The following DCLK1 variants were observed in gnomAD, a reference collection of about 807,000 sequenced individuals.
DCLK1 encodes doublecortin like kinase 1, also known as serine/threonine-protein kinase DCLK1.
A neutral mutation model predicts 86.2 loss-of-function variants in DCLK1; 16 were observed. The observed-to-expected ratio is 0.19, with a 90% CI of 0.13 to 0.28. The LOEUF (loss-of-function observed/expected upper bound fraction) is 0.28, where lower values mean the gene tolerates loss of function less well. DCLK1 is among the 10% of genes least tolerant of loss of function. DCLK1 has a pLI of 1.00. For synonymous variants in DCLK1, 369 were observed against 370.5 expected, an observed-to-expected ratio of 1.00 and a Z score of 0.05; for missense variants, 590 against 940.2, an observed-to-expected ratio of 0.63 and a Z score of 4.87.
chr13:36,064,522 G>C (rs2153159928), intron 3 of DCLK1, among the ~76,000 whole-genome samples: 1 of 152,210 alleles, frequency 6.6e-6, no homozygotes, highest in East Asian at 1.9e-4. Context: ...AGCTGGGCGT[G>C]GTGGCGTGTG....
chr13:35,939,142 C>T (rs1246930440), intron 4 of DCLK1, among the ~76,000 whole-genome samples: 1 of 152,056 alleles, frequency 6.6e-6, no homozygotes, highest in Non-Finnish European at 1.5e-5. Context: ...TCTCCAGAAA[C>T]CCTTGTGGCC....
In DCLK1 at chr13:35,839,172, G is replaced by C; in HGVS notation, c.1040C>G (p.Ser347Cys). Residue 347 changes from serine to cysteine, a missense_variant, in exon 7 of 17, where the codon TCT (serine) becomes TGT (cysteine). By Grantham distance (112) the Ser-to-Cys change is moderately radical (BLOSUM62 -1). Transcript: ENST00000360631. ...TGACGTAGAGGAGCCGCCATGCTGA[G>C]AGCTCTGTAGGGGAACAGAAACCGG... ...SPGSLRKQRS[S>C]QHGGSSTSLA... 6.3e-7 allele frequency: 1 copy of C among 1,577,998 alleles called. No individual in the cohort carries two copies. Among genetic ancestry groups the C allele is most frequent in the Non-Finnish European group, 8.6e-7 (1 of 1,161,334 alleles).
At chr13:36,067,382 G>A (rs1174648952) in intron 3 of DCLK1, among the ~76,000 whole-genome samples, 1 of 139,424 alleles carries the variant, frequency 7.2e-6, no homozygotes, top group Non-Finnish European at 1.5e-5. Context: ...CACAGGAAGG[G>A]GAACATCACA....
chr13:35,805,210 G>A (rs2087000276), intron 15 of DCLK1: 1 of 153,544 alleles, frequency 6.5e-6, no homozygotes, highest in Non-Finnish European at 1.5e-5. Context: ...AAATGTAATG[G>A]ATACATCAGA....
chr13:35,882,191 G>T (rs1261237630), intron 4 of DCLK1, among the ~76,000 whole-genome samples: 1 of 151,938 alleles, frequency 6.6e-6, no homozygotes, highest in Non-Finnish European at 1.5e-5. Flanking sequence ...GCATTCCTTA[G>T]CTTGTGGCCA....
intron 8 of DCLK1, among the ~76,000 whole-genome samples, chr13:35,835,724 G>C (rs1018769393): frequency 6.6e-6 from 1 of 152,172 alleles, no homozygotes; most frequent in Non-Finnish European, 1.5e-5. Context: ...CATAAAAAGT[G>C]TGTGAGAAAA....
intron 6 of DCLK1, among the ~76,000 whole-genome samples, chr13:35,844,024 C>G (rs1870004124): frequency 6.6e-6 from 1 of 152,134 alleles, no homozygotes; most frequent in Non-Finnish European, 1.5e-5. Context: ...TATTTCCCAA[C>G]TGGGTATAGA....
intron 3 of DCLK1, among the ~76,000 whole-genome samples, chr13:36,016,669 C>G (rs1436764656): frequency 1.3e-5 from 2 of 152,172 alleles, no homozygotes; most frequent in Non-Finnish European, 2.9e-5. Flanking sequence ...AACACATTTT[C>G]TTTATCCTCG....
intron 3 of DCLK1, among the ~76,000 whole-genome samples, chr13:36,072,513 A>G (rs55949529): frequency 0.14 from 21,843 of 152,222 alleles, 1,880 homozygotes; most frequent in South Asian, 0.37. Flanking sequence ...TCTTCAGGCC[A>G]GACTTCTTTC....
At chr13:36,099,028 C>T (rs540014149) in intron 3 of DCLK1, among the ~76,000 whole-genome samples, 13 of 150,600 alleles carry the variant, frequency 8.6e-5, no homozygotes, top group Non-Finnish European at 1.5e-4. Context: ...AGTGCAATGG[C>T]GCGATCAAAG....
At chr13:36,036,455 G>C (rs1381777404) in intron 3 of DCLK1, among the ~76,000 whole-genome samples, 1 of 152,202 alleles carries the variant, frequency 6.6e-6, no homozygotes, top group East Asian at 1.9e-4. Context: ...TCCTGTGTCA[G>C]TGTGGTATGT....
chr13:35,848,080 G>A (rs1183575644), intron 6 of DCLK1: 1 of 985,294 alleles, frequency 1.0e-6, no homozygotes, highest in East Asian at 1.1e-4. Context: ...GTGAGTGCAA[G>A]TGAAAAAGTA....
intron 3 of DCLK1, among the ~76,000 whole-genome samples, chr13:35,955,285 C>T (rs572141902): frequency 9.2e-4 from 140 of 152,134 alleles, no homozygotes; most frequent in African/African-American, 3.3e-3. Flanking sequence ...ATATCCTAGA[C>T]TGGGTGGCTT....
chr13:35,982,429 AGAGGGGGAGGGAGGGAGGGAGG>A (rs754605876), intron 3 of DCLK1, among the ~76,000 whole-genome samples: 8,069 of 31,914 alleles, frequency 0.25, 858 homozygotes, highest in East Asian at 0.41. Context: ...AGAGAGAGAG[AGAGGGGGAGGGAGGGAGGGAGG>A]GAGGGAGGGA....
intron 15 of DCLK1, among the ~76,000 whole-genome samples, chr13:35,801,185 A>C (rs2086912077): frequency 6.6e-6 from 1 of 152,184 alleles, no homozygotes; most frequent in African/African-American, 2.4e-5. Context: ...CTTTGTGGTA[A>C]TCAGATATAA....
intron 8 of DCLK1, 113 bp from the exon 9 acceptor site, chr13:35,828,420 T>A: frequency 1.2e-6 from 1 of 843,050 alleles, no homozygotes; most frequent in Admixed American, 2.8e-5. Flanking sequence ...TTGTAAATAT[T>A]TTGTGAAAGG....
At chr13:35,821,672 G>GTA (rs34181385) in intron 11 of DCLK1, among the ~76,000 whole-genome samples, 1,553 of 144,666 alleles carry the variant, frequency 0.011, 24 homozygotes, top group South Asian at 0.094. Flanking sequence ...ATAAATATAT[G>GTA]TATATATATA....
intron 15 of DCLK1, among the ~76,000 whole-genome samples, chr13:35,800,887 T>TC (rs2086906233): frequency 6.7e-6 from 1 of 149,512 alleles, no homozygotes; most frequent in African/African-American, 2.5e-5. Flanking sequence ...GGGCTAATTT[T>TC]TTTTTTTTTT....
intron 4 of DCLK1, among the ~76,000 whole-genome samples, chr13:35,901,491 CA>C (rs58801666): frequency 3.7e-4 from 17 of 45,874 alleles, no homozygotes; most frequent in Middle Eastern, 0.024. Context: ...GACTCTGTCT[CA>C]AAAAAAAAAA....
Sources: gnomAD v4.1 joint callset for allele counts (sites outside exome capture counted in the v4.1 genomes callset) on GRCh38, gnomAD v4.1.1 for gene constraint, MANE v1.5 for transcripts, NCBI Gene and HGNC (gene_info 2026-07-23, HGNC 2026-07-21) for gene names.